Variants in ELL observed in about 807,000 individuals in gnomAD.
The protein encoded by ELL is RNA polymerase II elongation factor ELL.
A neutral mutation model predicts 64.0 loss-of-function variants in ELL; 18 were observed. That is an observed-to-expected ratio of 0.28 (90% CI 0.19 to 0.42). The LOEUF is 0.42. Among genes scored for constraint, ELL ranks in the 10% least tolerant of loss-of-function variants. The pLI is 1.00. For missense variants in ELL, 797 were observed against 870.4 expected, an observed-to-expected ratio of 0.92 and a Z score of 1.06; for synonymous variants, 399 against 376.2, an observed-to-expected ratio of 1.06 and a Z score of -0.70.
chr19:18,515,753 C>G (rs1468411961), intron 1 of ELL, among the ~76,000 whole-genome samples: 1 of 152,116 alleles, frequency 6.6e-6, no homozygotes. Flanking sequence ...GGCTCAGGAC[C>G]CCAGTGTGAC....
intron 1 of ELL, among the ~76,000 whole-genome samples, chr19:18,483,147 C>A (rs1975340216): frequency 6.6e-6 from 1 of 152,144 alleles, no homozygotes; most frequent in African/African-American, 2.4e-5. Context: ...ACTCCCCTCT[C>A]CCCTCCCAAA....
At chr19:18,520,848 A>G (rs1052116394) in intron 1 of ELL, among the ~76,000 whole-genome samples, 14 of 151,726 alleles carry the variant, frequency 9.2e-5, no homozygotes, top group Non-Finnish European at 1.6e-4. Flanking sequence ...AAGGAGTTAC[A>G]AGGTTCCTAA....
chr19:18,518,939 G>A (rs1363727010), intron 1 of ELL, among the ~76,000 whole-genome samples: 1 of 152,176 alleles, frequency 6.6e-6, no homozygotes, highest in African/African-American at 2.4e-5. Context: ...AGAGAAAACA[G>A]GAGGGCTTCT....
intron 1 of ELL, among the ~76,000 whole-genome samples, chr19:18,498,766 A>G (rs995629445): frequency 6.6e-5 from 10 of 152,298 alleles, no homozygotes; most frequent in South Asian, 6.2e-4. Context: ...CCTGGACAAC[A>G]TGGTGAAACC....
In ELL at chr19:18,461,730, C is replaced by T. The variant is rs999805012; in HGVS notation, c.592G>A (p.Gly198Arg). Residue 198 changes from glycine (G) to arginine (R), a missense_variant, in exon 5 of 12, where the codon GGG becomes AGG. Transcript: ENST00000262809. ...GGCCTCTGGGACACCCCGCTGCCCC[C>T]ACTCACGGCACTGGCACCACTCTTC... ...IRKSGASAVS[G>R]GSGVSQRPFR... The T allele has an allele frequency of 1.2e-6, 2 of 1,613,908 alleles. No individual in the cohort carries two copies. The highest frequency in any genetic ancestry group is 1.7e-5 in the Admixed American group (1 of 60,036).
At position 18,445,221 on chromosome 19, in the gene ELL, C is replaced by A. The variant is rs759817990; in HGVS notation, c.1749+3G>T. ...AGCCCACCCCAACACAAGAGACACT[C>A]ACCTTTTTGATTTTTCGATATTCCT... On this transcript the variant is annotated splice_donor_region_variant and intron_variant, in intron 11 of 11. Transcript: ENST00000262809. The A allele has an allele frequency of 1.2e-6, 2 of 1,614,112 alleles. No homozygotes were observed. The highest frequency in any genetic ancestry group is 1.7e-6 in the Non-Finnish European group (2 of 1,180,016).
At chr19:18,479,032 C>T (rs1192084378) in intron 1 of ELL, among the ~76,000 whole-genome samples, 2 of 152,228 alleles carry the variant, frequency 1.3e-5, no homozygotes, top group Non-Finnish European at 2.9e-5. Flanking sequence ...CGGCAAAGAG[C>T]ACTTCCGGGG....
intron 1 of ELL, among the ~76,000 whole-genome samples, chr19:18,480,227 T>C (rs780767584): frequency 6.6e-6 from 1 of 152,168 alleles, no homozygotes; most frequent in South Asian, 2.1e-4. Flanking sequence ...GCCCCCCCTT[T>C]CCAGTAAAGC....
intron 5 of ELL, among the ~76,000 whole-genome samples, chr19:18,460,764 G>A (rs550611486): frequency 2.3e-3 from 357 of 152,270 alleles, no homozygotes; most frequent in African/African-American, 8.2e-3. Flanking sequence ...ATGTGACCCC[G>A]AACATCCCAC....
At position 18,485,748 on chromosome 19, in the gene ELL, G is replaced by C. The variant is rs530793724; in HGVS notation, c.136-12866C>G. Among the ~76,000 whole-genome samples the C allele has an allele frequency of 1.6e-3, 251 of 152,246 alleles. 2 individuals carry two copies. Among genetic ancestry groups the C allele is most frequent in the Non-Finnish European group, 3.3e-3 (227 of 68,018 alleles). ...CACACCTGTAATCCCAGCACTTTGA[G>C]AGCCAAGACGAGCGGATCACGAGGT... On this transcript the variant is annotated intron_variant, in intron 1 of 11. Transcript: ENST00000262809.
At position 18,492,494 on chromosome 19, in the gene ELL, C is replaced by T. The variant is rs185914950; in HGVS notation, c.136-19612G>A. 8.0e-3 allele frequency among the ~76,000 whole-genome samples: 1,219 copies of T among 152,342 alleles called. 15 individuals are homozygous for T. The highest frequency in any genetic ancestry group is 0.027 in the African/African-American group (1,140 of 41,570). ...TCTGACGTGCTGTTAGTGCATCCAA[C>T]GATGGCTGTGCTGCTATCTGGAAAT... On this transcript the variant is annotated intron_variant, in intron 1 of 11. Transcript: ENST00000262809.
chr19:18,469,667 A>G (rs569518223), intron 2 of ELL, among the ~76,000 whole-genome samples: 1 of 152,286 alleles, frequency 6.6e-6, no homozygotes, highest in East Asian at 1.9e-4. Context: ...GTCCATGCTC[A>G]CAGACACAGA....
chr19:18,473,472 A>T (rs1353544610), intron 1 of ELL, among the ~76,000 whole-genome samples: 3 of 152,186 alleles, frequency 2.0e-5, no homozygotes, highest in African/African-American at 7.2e-5. Context: ...GCCACCTTGG[A>T]GCCTGGGGTG....
chr19:18,469,083 C>T (rs1178919958), intron 2 of ELL, among the ~76,000 whole-genome samples: 13 of 152,138 alleles, frequency 8.5e-5, no homozygotes, highest in Middle Eastern at 3.4e-3. Flanking sequence ...GCAGCTGTGG[C>T]GGGGAGTAGG....
chr19:18,451,661 G>A lies in ELL; in HGVS notation c.870-13C>T. The A allele has an allele frequency of 6.7e-7, 1 of 1,489,800 alleles. No individual in the cohort carries two copies. Among genetic ancestry groups the A allele is most frequent in the Non-Finnish European group, 8.9e-7 (1 of 1,127,618 alleles). The allele number at this position is 1,489,800 out of a possible 1,614,324, so 92.3% of individuals were successfully genotyped here. On this transcript the variant is annotated splice_polypyrimidine_tract_variant and intron_variant, in intron 6 of 11. Coordinates refer to ENST00000262809, the MANE Select transcript of ELL (RefSeq NM_006532.4). ...CTGGCACAGCTTCCTGCGAAGGAGA[G>A]GCAGGGCTAGGTCAGAAGGTGCTGA... is the stretch of plus-strand genomic sequence containing the variant.
At chr19:18,515,452 C>T (rs1285723155) in intron 1 of ELL, among the ~76,000 whole-genome samples, 1 of 152,258 alleles carries the variant, frequency 6.6e-6, no homozygotes, top group African/African-American at 2.4e-5. Flanking sequence ...TACTTCCCAG[C>T]TGGGAGATCC....
At chr19:18,469,275 G>A (rs1252201149) in intron 2 of ELL, among the ~76,000 whole-genome samples, 1 of 152,218 alleles carries the variant, frequency 6.6e-6, no homozygotes, top group Non-Finnish European at 1.5e-5. Context: ...GGTTCTCACA[G>A]GCCCTGCCTC....
Position 18,443,602 on chromosome 19 carries a change from A to G in ELL, c.*1150T>C, listed in dbSNP as rs1265346403. ...CCCACATACGCACACTCACACACCC[A>G]CACTTGCGTGGCCCCCCGATGCTTT... On this transcript the variant is annotated 3_prime_UTR_variant, in exon 12 of 12. Transcript: ENST00000262809. 2 of 233,128 alleles carry G rather than the reference A, an allele frequency of 8.6e-6. No homozygotes were observed. Among genetic ancestry groups the G allele is most frequent in the African/African-American group, 4.4e-5 (2 of 45,224 alleles). 14.4% of individuals were successfully genotyped at this position (233,128 alleles called of 1,614,324 possible). A position where few individuals can be genotyped will look rare whatever the true frequency, so the allele number is the denominator to read the frequency against.
intron 1 of ELL, 108 bp downstream of exon 1, chr19:18,521,813 G>C: frequency 2.1e-6 from 3 of 1,406,654 alleles, no homozygotes; most frequent in East Asian, 2.8e-5. Context: ...CCCGCGAGCA[G>C]CACCACAGAC....
Sources: gnomAD v4.1 joint callset for allele counts (sites outside exome capture counted in the v4.1 genomes callset) on GRCh38, gnomAD v4.1.1 for gene constraint, MANE v1.5 for transcripts, NCBI Gene and HGNC (gene_info 2026-07-23, HGNC 2026-07-21) for gene names.